EPB41L1: variants seen among roughly 807,000 people sequenced by gnomAD.
EPB41L1 encodes the protein band 4.1-like protein 1.
EPB41L1 carries 29 observed loss-of-function variants against 97.8 expected under a neutral mutation model. The ratio of observed to expected loss-of-function variants is 0.30; its 90% CI spans 0.22 to 0.40. The LOEUF (loss-of-function observed/expected upper bound fraction) is 0.40. Ranked by LOEUF, EPB41L1 falls within the 10% of genes least tolerant of loss-of-function variation. The pLI, the probability that EPB41L1 is intolerant of heterozygous loss-of-function variation, is 1.00. For missense variants in EPB41L1, 812 were observed against 1,162.3 expected (o/e 0.70, Z 4.38); for synonymous variants, 383 against 459.2 (o/e 0.83, Z 2.12).
At chr20:36,108,201 A>T (rs2058264348) in intron 1 of EPB41L1, among the ~76,000 whole-genome samples, 1 of 151,758 alleles carries the variant, frequency 6.6e-6, no homozygotes, top group African/African-American at 2.4e-5. Context: ...GCTGGTCTTG[A>T]ACTCCTGGTT....
Position 36,206,817 on chromosome 20 carries a change from CGT to C in EPB41L1, c.1669-2669_1669-2668del. 4 of 1,289,860 alleles carry C rather than the reference CGT, an allele frequency of 3.1e-6. No homozygotes were observed. Among genetic ancestry groups the C allele is most frequent in the Non-Finnish European group, 4.0e-6 (4 of 988,878 alleles). The allele number at this position is 1,289,860 out of a possible 1,614,324, so 79.9% of individuals were successfully genotyped here. A position where few individuals can be genotyped will look rare whatever the true frequency, so the allele number is the denominator to read the frequency against. On this transcript the variant is annotated intron_variant, in intron 14 of 21. Coordinates refer to ENST00000338074, the MANE Select transcript of EPB41L1 (RefSeq NM_012156.2). The surrounding 1 kb of genome is among the most constrained non-coding windows in gnomAD (Gnocchi z 5.5). ...GCGCAGCCCGAGAGGAAGGGACCCC[CGT>C]GAGTGGAGATTTGCTGGGAAAGGCT...
intron 2 of EPB41L1, among the ~76,000 whole-genome samples, chr20:36,116,409 T>C (rs1315301860): frequency 6.6e-6 from 1 of 152,170 alleles, no homozygotes; most frequent in Non-Finnish European, 1.5e-5. Flanking sequence ...TGTTCTCTTC[T>C]GAGACGTGAA....
At chr20:36,213,316 A>G (rs2063244820) in intron 16 of EPB41L1, among the ~76,000 whole-genome samples, 1 of 152,142 alleles carries the variant, frequency 6.6e-6, no homozygotes, top group African/African-American at 2.4e-5. Flanking sequence ...GAGGATCACT[A>G]AAACCCAGGA....
At chr20:36,098,203 C>T (rs537111222) in intron 1 of EPB41L1, among the ~76,000 whole-genome samples, 1 of 152,298 alleles carries the variant, frequency 6.6e-6, no homozygotes, top group African/African-American at 2.4e-5. Flanking sequence ...AGAGTGACTT[C>T]TCATGAGGAG....
intron 5 of EPB41L1, among the ~76,000 whole-genome samples, chr20:36,181,082 T>A (rs373158663): frequency 6.6e-6 from 1 of 151,880 alleles, no homozygotes; most frequent in East Asian, 1.9e-4. Context: ...CTAGTAAGAG[T>A]TTGAGATGTG....
At chr20:36,173,518 T>C (rs1023677005) in intron 1 of EPB41L1, among the ~76,000 whole-genome samples, 2 of 152,116 alleles carry the variant, frequency 1.3e-5, no homozygotes, top group Non-Finnish European at 2.9e-5. Flanking sequence ...GCCCAGAGAT[T>C]TGAGTCCCTG....
At chr20:36,192,531 CAAAA>C (rs57675036) in intron 11 of EPB41L1, among the ~76,000 whole-genome samples, 4 of 46,420 alleles carry the variant, frequency 8.6e-5, no homozygotes, top group African/African-American at 1.4e-4. Flanking sequence ...GACTCCGTCT[CAAAA>C]AAAAAAAAAA....
chr20:36,164,030 G>C (rs1253527619), intron 1 of EPB41L1, among the ~76,000 whole-genome samples: 3 of 152,154 alleles, frequency 2.0e-5, no homozygotes, highest in African/African-American at 4.8e-5. Flanking sequence ...TTTTAGTAGA[G>C]ACAGGGTTTC....
At chr20:36,141,742 A>G (rs1423719430) in intron 2 of EPB41L1, among the ~76,000 whole-genome samples, 1 of 151,110 alleles carries the variant, frequency 6.6e-6, no homozygotes, top group Non-Finnish European at 1.5e-5. Flanking sequence ...ATCATAAAAC[A>G]ACGTCTGGTA....
intron 2 of EPB41L1, among the ~76,000 whole-genome samples, chr20:36,119,497 G>A (rs995074001): frequency 2.0e-5 from 3 of 152,158 alleles, no homozygotes; most frequent in African/African-American, 7.2e-5. Flanking sequence ...AGCTACTCAG[G>A]AGGCTGAAGC....
chr20:36,167,576 C>T (rs1251271142), intron 1 of EPB41L1, among the ~76,000 whole-genome samples: 5 of 151,680 alleles, frequency 3.3e-5, no homozygotes, highest in Admixed American at 2.0e-4. Flanking sequence ...GGCATGGTGG[C>T]GGGTGCCTGT....
intron 2 of EPB41L1, among the ~76,000 whole-genome samples, chr20:36,140,297 C>T (rs2059591626): frequency 6.6e-6 from 1 of 150,672 alleles, no homozygotes; most frequent in South Asian, 2.1e-4. Context: ...TCTTGAACTC[C>T]TGGCCTCAAG....
chr20:36,109,049 C>T (rs1014727102), intron 1 of EPB41L1, among the ~76,000 whole-genome samples: 1 of 151,878 alleles, frequency 6.6e-6, no homozygotes, highest in Admixed American at 6.6e-5. Context: ...ATTCACACCA[C>T]TCTCTCACCT....
In EPB41L1 at chr20:36,207,259, C is replaced by G. The variant is rs1002403323; in HGVS notation, c.1669-2229C>G. On this transcript the variant is annotated intron_variant, in intron 14 of 21. Transcript: ENST00000338074. This position sits in a 1 kb window ranked among gnomAD's most constrained non-coding sequence, Gnocchi z 4.9. ...GGACCAAGTAGGGTTTGTGGTGTCC[C>G]CTGCCACAGGAGGTGAGCGCAGGCC... The G allele has an allele frequency of 3.1e-6, 4 of 1,276,986 alleles. No homozygotes were observed. The highest frequency in any genetic ancestry group is 1.5e-5 in the African/African-American group (1 of 65,398). The allele number at this position is 1,276,986 out of a possible 1,614,324, so 79.1% of individuals were successfully genotyped here.
At chr20:36,178,598 T>C (rs2061347430) in intron 4 of EPB41L1, 32 bp from the exon 5 acceptor site, 1 of 1,611,718 alleles carries the variant, frequency 6.2e-7, no homozygotes, top group African/African-American at 1.3e-5. Context: ...TTCCTGCGTC[T>C]TCCCTCTGAA....
intron 2 of EPB41L1, among the ~76,000 whole-genome samples, chr20:36,115,847 G>A (rs576363260): frequency 1.3e-5 from 2 of 152,276 alleles, no homozygotes; most frequent in Admixed American, 6.5e-5. Flanking sequence ...AGTCGCAATC[G>A]TATGACTGCA....
chr20:36,173,073 T>C (rs191038489), intron 1 of EPB41L1, among the ~76,000 whole-genome samples: 7 of 152,306 alleles, frequency 4.6e-5, no homozygotes, highest in Admixed American at 4.6e-4. Flanking sequence ...CCAGAAAGCA[T>C]TTCTCTACGT....
chr20:36,159,291 A>G (rs1395362577), intron 1 of EPB41L1, among the ~76,000 whole-genome samples: 1 of 152,230 alleles, frequency 6.6e-6, no homozygotes, highest in Non-Finnish European at 1.5e-5. Context: ...AGCTTCCTCT[A>G]TAATAGCAGT....
intron 4 of EPB41L1, 128 bp from the exon 5 acceptor site, chr20:36,178,502 G>A (rs1440502746): frequency 5.3e-6 from 5 of 937,320 alleles, no homozygotes; most frequent in Middle Eastern, 2.2e-4. Context: ...GGAACCAAGA[G>A]GCTTAGCCAA....
Sources: gnomAD v4.1 joint callset for allele counts (sites outside exome capture counted in the v4.1 genomes callset) on GRCh38, gnomAD v4.1.1 for gene constraint, Gnocchi (gnomAD v3.1) non-coding constraint, MANE v1.5 for transcripts, NCBI Gene and HGNC (gene_info 2026-07-23, HGNC 2026-07-21) for gene names.